CPED1: variants seen among roughly 807,000 people sequenced by gnomAD.
CPED1 encodes the protein cadherin-like and PC-esterase domain-containing protein 1.
CPED1 carries 114 observed loss-of-function variants against 128.2 expected under a neutral mutation model. The observed-to-expected ratio is 0.89, with a 90% CI of 0.76 to 1.04. The LOEUF is 1.04. CPED1 is among the 50% of genes least tolerant of loss of function. The pLI, the probability that CPED1 is intolerant of heterozygous loss-of-function variation, is 0.00. For synonymous variants in CPED1, 462 were observed against 426.7 expected, an observed-to-expected ratio of 1.08 and a Z score of -1.02; for missense variants, 1,211 against 1,207.1, an observed-to-expected ratio of 1.00 and a Z score of -0.05.
At chr7:121,046,235 T>C (rs569469684) in intron 3 of CPED1, among the ~76,000 whole-genome samples, 19 of 152,282 alleles carry the variant, frequency 1.2e-4, no homozygotes, top group African/African-American at 4.3e-4. Flanking sequence ...GAAATATCAT[T>C]TGCTTTCGTC....
chr7:121,050,732 G>A (rs1029753448), intron 4 of CPED1: 2 of 442,140 alleles, frequency 4.5e-6, no homozygotes, highest in African/African-American at 4.0e-5. Context: ...CCAAAGTGCT[G>A]GGATTATAGG....
chr7:121,069,110 T>G (rs1015171337), intron 5 of CPED1, among the ~76,000 whole-genome samples: 4 of 152,150 alleles, frequency 2.6e-5, no homozygotes, highest in African/African-American at 9.7e-5. Flanking sequence ...TTCCACTATA[T>G]AAATATCTTT....
intron 16 of CPED1, among the ~76,000 whole-genome samples, chr7:121,211,679 A>G (rs1368126099): frequency 6.6e-6 from 1 of 152,078 alleles, no homozygotes; most frequent in Admixed American, 6.6e-5. Context: ...AAACCTGGTG[A>G]CTTCAGCTGA....
In CPED1 at chr7:121,172,462, C is replaced by G. The variant is rs1448089231; in HGVS notation, c.2055+30321C>G. Among the ~76,000 whole-genome samples, 3 of 151,680 alleles carry G rather than the reference C, an allele frequency of 2.0e-5. 1 individual carries two copies. In the South Asian group the frequency reaches 6.2e-4, roughly 32 times the overall value. On this transcript the variant is annotated intron_variant, in intron 16 of 22. Coordinates refer to ENST00000310396, the MANE Select transcript of CPED1 (RefSeq NM_024913.5). The stretch of plus-strand genomic sequence containing the variant: ...TATAGTTAATAAACTTCACATGACA[C>G]TTAAAGATTATAGATTGCTGCTTTC...
intron 21 of CPED1, among the ~76,000 whole-genome samples, chr7:121,268,876 A>G (rs775567842): frequency 3.3e-5 from 5 of 151,924 alleles, no homozygotes; most frequent in African/African-American, 9.7e-5. Flanking sequence ...CTCTTGACAC[A>G]CTAGACTGGG....
At chr7:121,096,989 C>T (rs1359766174) in intron 5 of CPED1, among the ~76,000 whole-genome samples, 2 of 152,082 alleles carry the variant, frequency 1.3e-5, no homozygotes, top group South Asian at 2.1e-4. Context: ...TCAGATCTTA[C>T]AAGTTAATAC....
chr7:121,243,906 A>G (rs1012274210), intron 17 of CPED1, among the ~76,000 whole-genome samples: 6 of 152,210 alleles, frequency 3.9e-5, no homozygotes, highest in African/African-American at 1.4e-4. Flanking sequence ...TGTTCAATGT[A>G]CTGTTTAAAA....
chr7:121,233,427 C>T (rs79723118), intron 16 of CPED1, among the ~76,000 whole-genome samples: 13,084 of 152,060 alleles, frequency 0.086, 687 homozygotes, highest in African/African-American at 0.12. Flanking sequence ...CATATGCCTA[C>T]AGTCCCAGCT....
intron 16 of CPED1, among the ~76,000 whole-genome samples, chr7:121,177,587 A>G (rs1372712640): frequency 6.6e-6 from 1 of 152,060 alleles, no homozygotes; most frequent in Non-Finnish European, 1.5e-5. Context: ...TATTGCCCAT[A>G]TATTTACCTA....
intron 2 of CPED1, among the ~76,000 whole-genome samples, chr7:121,014,831 C>T (rs1792258960): frequency 6.6e-6 from 1 of 152,060 alleles, no homozygotes; most frequent in Admixed American, 6.6e-5. Flanking sequence ...TTGCTGACCT[C>T]CAACCAATCT....
intron 2 of CPED1, among the ~76,000 whole-genome samples, chr7:121,014,965 C>T (rs969023247): frequency 6.6e-6 from 1 of 152,176 alleles, no homozygotes; most frequent in African/African-American, 2.4e-5. Context: ...CTTCTTTTTC[C>T]TTGTCAATTC....
intron 3 of CPED1, among the ~76,000 whole-genome samples, chr7:121,027,420 A>G (rs1792618780): frequency 6.6e-6 from 1 of 152,198 alleles, no homozygotes; most frequent in Non-Finnish European, 1.5e-5. Context: ...TAGATACACA[A>G]TTAAATGTAT....
chr7:121,159,982 G>A (rs895342075), intron 16 of CPED1, among the ~76,000 whole-genome samples: 3 of 151,952 alleles, frequency 2.0e-5, no homozygotes, highest in Non-Finnish European at 4.4e-5. Flanking sequence ...TACATTTATG[G>A]GGTATTTTTG....
chr7:121,071,541 C>T (rs956183392), intron 5 of CPED1, among the ~76,000 whole-genome samples: 2 of 151,952 alleles, frequency 1.3e-5, no homozygotes, highest in Non-Finnish European at 2.9e-5. Context: ...AACCATTCAA[C>T]TCTTTTTTAT....
chr7:121,057,853 C>T (rs189033152), intron 4 of CPED1, among the ~76,000 whole-genome samples: 5 of 152,010 alleles, frequency 3.3e-5, no homozygotes, highest in Admixed American at 6.5e-5. Context: ...GGAAAATAGT[C>T]GCTAAGTAAT....
intron 2 of CPED1, among the ~76,000 whole-genome samples, chr7:121,001,430 T>C (rs901616394): frequency 8.5e-5 from 13 of 152,168 alleles, no homozygotes; most frequent in African/African-American, 2.7e-4. Flanking sequence ...ATTTTGAGTA[T>C]GCTTGAGAGA....
At chr7:121,256,560 G>C (rs1450665961) in intron 18 of CPED1, among the ~76,000 whole-genome samples, 1 of 152,056 alleles carries the variant, frequency 6.6e-6, no homozygotes, top group Admixed American at 6.6e-5. Context: ...ACGGATGCTG[G>C]AGAGGCTGCA....
chr7:121,160,838 G>A (rs1334143822), intron 16 of CPED1, among the ~76,000 whole-genome samples: 1 of 152,060 alleles, frequency 6.6e-6, no homozygotes, highest in Non-Finnish European at 1.5e-5. Flanking sequence ...TGAGGCTTTT[G>A]ATCAGGATCA....
chr7:121,279,464 G>GA (rs1792404916), intron 22 of CPED1, among the ~76,000 whole-genome samples: 1 of 108,690 alleles, frequency 9.2e-6, no homozygotes, highest in Non-Finnish European at 2.1e-5. Context: ...CCGCCACAAA[G>GA]AAAAAACAGA....
Sources: allele counts gnomAD v4.1 joint callset (sites outside exome capture counted in the v4.1 genomes callset), GRCh38; gene constraint gnomAD v4.1.1; transcripts MANE v1.5; gene names NCBI Gene and HGNC (gene_info 2026-07-23, HGNC 2026-07-21).